Variants in SGCD observed in about 807,000 individuals in gnomAD.
SGCD encodes delta-sarcoglycan.
A neutral mutation model predicts 36.6 loss-of-function variants in SGCD; 18 were observed. That is an observed-to-expected ratio of 0.49 (90% confidence interval 0.34 to 0.73). The LOEUF (loss-of-function observed/expected upper bound fraction) is 0.73, where lower values mean the gene tolerates loss of function less well. Among genes scored for constraint, SGCD ranks in the 30% least tolerant of loss-of-function variants. The pLI is 0.01. For synonymous variants in SGCD, 133 were observed against 130.6 expected (o/e 1.02, Z -0.12); for missense variants, 387 against 346.7 (o/e 1.12, Z -0.92).
At chr5:155,999,712 A>G (rs904657075) in intron 1 of SGCD, among the ~76,000 whole-genome samples, 1 of 152,232 alleles carries the variant, frequency 6.6e-6, no homozygotes, top group African/African-American at 2.4e-5. Context: ...ATATGTTTTC[A>G]TTCCTTCTAG....
chr5:156,414,319 A>T (rs1365296820), intron 3 of SGCD, among the ~76,000 whole-genome samples: 1 of 152,242 alleles, frequency 6.6e-6, no homozygotes, highest in African/African-American at 2.4e-5. Context: ...ATCTCAGCCT[A>T]TAAAAATAAT....
intron 7 of SGCD, among the ~76,000 whole-genome samples, chr5:156,674,324 A>G (rs908294322): frequency 6.6e-6 from 1 of 152,250 alleles, no homozygotes; most frequent in African/African-American, 2.4e-5. Context: ...AGCGTGAGCC[A>G]TGCAGCAACT....
chr5:156,595,581 G>A (rs2113391824), intron 6 of SGCD, among the ~76,000 whole-genome samples: 3 of 152,296 alleles, frequency 2.0e-5, no homozygotes, highest in Admixed American at 2.0e-4. Flanking sequence ...AAGCTGTCAA[G>A]TCTTTTTGGC....
chr5:156,450,826 T>C (rs1333020494), intron 3 of SGCD, among the ~76,000 whole-genome samples: 1 of 152,178 alleles, frequency 6.6e-6, no homozygotes, highest in East Asian at 1.9e-4. Context: ...TGTATGTATG[T>C]GCATGTATGC....
chr5:156,035,652 G>T (rs1368012430), intron 1 of SGCD, among the ~76,000 whole-genome samples: 2 of 152,018 alleles, frequency 1.3e-5, no homozygotes, highest in Non-Finnish European at 2.9e-5. Context: ...GAGTAGAATG[G>T]GGTGGCTATT....
intron 6 of SGCD, among the ~76,000 whole-genome samples, chr5:156,604,875 A>G (rs366643): frequency 0.25 from 36,594 of 148,952 alleles, 4,625 homozygotes; most frequent in East Asian, 0.31. Flanking sequence ...TATATACTTT[A>G]TATATATATT....
intron 2 of SGCD, among the ~76,000 whole-genome samples, chr5:156,122,485 C>T (rs894419651): frequency 2.6e-5 from 4 of 151,910 alleles, no homozygotes; most frequent in South Asian, 2.1e-4. Context: ...TGAGCAAAGA[C>T]GTGAAACAGT....
chr5:156,309,968 T>G (rs1041237884), intron 3 of SGCD, among the ~76,000 whole-genome samples: 2 of 152,200 alleles, frequency 1.3e-5, no homozygotes, highest in Non-Finnish European at 2.9e-5. Flanking sequence ...CATTTGAATC[T>G]AATAATGAGG....
At chr5:156,229,276 A>ATATATATATATATATATATATATG (rs1561574916) in intron 3 of SGCD, among the ~76,000 whole-genome samples, 1 of 44,004 alleles carries the variant, frequency 2.3e-5, no homozygotes, top group East Asian at 2.1e-3. Context: ...ATATATACAT[A>ATATATATATATATATATATATATG]CATATATATA....
chr5:156,557,748 A>T (rs373127844), intron 4 of SGCD, among the ~76,000 whole-genome samples: 3 of 152,072 alleles, frequency 2.0e-5, no homozygotes, highest in African/African-American at 4.8e-5. Flanking sequence ...GTCTTCCGTG[A>T]TATATCCCCT....
At chr5:156,361,242 A>G (rs191504111) in intron 3 of SGCD, among the ~76,000 whole-genome samples, 115 of 152,340 alleles carry the variant, frequency 7.5e-4, no homozygotes, top group African/African-American at 2.7e-3. Flanking sequence ...TGCAAGTCCA[A>G]TGAAGGGGCC....
intron 3 of SGCD, among the ~76,000 whole-genome samples, chr5:156,182,758 A>G (rs1763639079): frequency 6.6e-6 from 1 of 152,158 alleles, no homozygotes. Context: ...TCTCCCACTA[A>G]AGGGTCAGAG....
chr5:156,718,845 A>G (rs11948514), intron 7 of SGCD, among the ~76,000 whole-genome samples: 13,637 of 150,220 alleles, frequency 0.091, 1,374 homozygotes, highest in African/African-American at 0.25. Context: ...TTAGCCAGGT[A>G]TGTTGGTACA....
chr5:156,292,120 C>T (rs1455433397), intron 3 of SGCD, among the ~76,000 whole-genome samples: 1 of 152,054 alleles, frequency 6.6e-6, no homozygotes, highest in Non-Finnish European at 1.5e-5. Flanking sequence ...GCTTATTTCA[C>T]TTAACATCAG....
intron 7 of SGCD, among the ~76,000 whole-genome samples, chr5:156,680,095 A>C (rs1753665382): frequency 6.6e-6 from 1 of 152,178 alleles, no homozygotes; most frequent in Admixed American, 6.6e-5. Context: ...AATAGGAAGG[A>C]AACTTTAAGG....
At chr5:156,130,711 T>C (rs1043459051) in intron 3 of SGCD, among the ~76,000 whole-genome samples, 32 of 152,010 alleles carry the variant, frequency 2.1e-4, no homozygotes, top group African/African-American at 7.5e-4. Flanking sequence ...TATTTCTCGT[T>C]TTTCTTTTCT....
intron 7 of SGCD, among the ~76,000 whole-genome samples, chr5:156,649,041 A>G (rs460462): frequency 0.89 from 135,103 of 152,232 alleles, 60,045 homozygotes; most frequent in East Asian, 0.99. Context: ...CCATCAACAA[A>G]TGGGCGAAGG....
At chr5:156,547,256 T>C (rs1469718052) in intron 4 of SGCD, among the ~76,000 whole-genome samples, 2 of 152,118 alleles carry the variant, frequency 1.3e-5, no homozygotes, top group Non-Finnish European at 2.9e-5. Flanking sequence ...CATAGCCTGT[T>C]ACCCACTAGA....
chr5:156,718,345 C>G (rs374012664), intron 7 of SGCD, among the ~76,000 whole-genome samples: 1 of 152,154 alleles, frequency 6.6e-6, no homozygotes, highest in Non-Finnish European at 1.5e-5. Flanking sequence ...GAATGTTTCC[C>G]TAATTCTCCC....
Sources: gnomAD v4.1 joint callset for allele counts (sites outside exome capture counted in the v4.1 genomes callset) on GRCh38, gnomAD v4.1.1 for gene constraint, MANE v1.5 for transcripts, NCBI Gene and HGNC (gene_info 2026-07-23, HGNC 2026-07-21) for gene names.